The following C1QTNF3 variants were observed in gnomAD, a reference collection of about 807,000 sequenced individuals.
C1QTNF3 encodes the protein complement C1q tumor necrosis factor-related protein 3.
C1QTNF3 carries 26 observed loss-of-function variants against 32.6 expected under a neutral mutation model. That is an observed-to-expected ratio of 0.80 (90% CI 0.58 to 1.11). The LOEUF (loss-of-function observed/expected upper bound fraction) is 1.11. Among genes scored for constraint, C1QTNF3 ranks in the 50% least tolerant of loss-of-function variants. The probability of loss-of-function intolerance (pLI) is 0.00; values close to 1 mark genes in which losing one functional copy is unlikely to be tolerated. For synonymous variants in C1QTNF3, 155 were observed against 146.0 expected, an observed-to-expected ratio of 1.06 and a Z score of -0.44; for missense variants, 362 against 398.2, an observed-to-expected ratio of 0.91 and a Z score of 0.77.
At chr5:34,158,947 T>C in the C1QTNF3 span, among the ~76,000 whole-genome samples, 1 of 151,962 alleles carries the variant, frequency 6.6e-6, no homozygotes, top group Non-Finnish European at 1.5e-5. Flanking sequence ...GAAATATACT[T>C]ACACACACAA....
the C1QTNF3 span, among the ~76,000 whole-genome samples, chr5:34,204,454 T>C: frequency 1.3e-5 from 2 of 152,190 alleles, no homozygotes; most frequent in African/African-American, 4.8e-5. Flanking sequence ...AACATGGATG[T>C]AACTGGTCAT....
the C1QTNF3 span, among the ~76,000 whole-genome samples, chr5:34,132,653 GACTATT>G: frequency 1.3e-4 from 20 of 151,910 alleles, no homozygotes; most frequent in African/African-American, 4.8e-4. Flanking sequence ...GTCATATCAG[GACTATT>G]ACTATTACTA....
At chr5:34,051,215 T>TC in the C1QTNF3 span, among the ~76,000 whole-genome samples, 1 of 152,208 alleles carries the variant, frequency 6.6e-6, no homozygotes, top group African/African-American at 2.4e-5. Context: ...AATAACCTGG[T>TC]CCTAGATGGC....
At chr5:34,159,833 T>TA in the C1QTNF3 span, among the ~76,000 whole-genome samples, 213 of 143,358 alleles carry the variant, frequency 1.5e-3, no homozygotes, top group Admixed American at 2.0e-3. Context: ...ATTAAAGCAT[T>TA]AAAAAAAAAA....
At chr5:34,027,286 T>C (rs1182143250) in intron 4 of C1QTNF3, among the ~76,000 whole-genome samples, 1 of 152,180 alleles carries the variant, frequency 6.6e-6, no homozygotes, top group East Asian at 1.9e-4. Flanking sequence ...TTTAAGTATA[T>C]TGGTACAACC....
intron 4 of C1QTNF3, among the ~76,000 whole-genome samples, chr5:34,026,311 A>G (rs1437351335): frequency 3.9e-5 from 6 of 152,100 alleles, no homozygotes; most frequent in Non-Finnish European, 5.9e-5. Flanking sequence ...CCTGATAGTG[A>G]GGGCCACGTG....
At chr5:34,136,778 A>G in the C1QTNF3 span, among the ~76,000 whole-genome samples, 1 of 152,244 alleles carries the variant, frequency 6.6e-6, no homozygotes, top group Non-Finnish European at 1.5e-5. Context: ...GACTGGATTA[A>G]GAAAATGTGG....
the C1QTNF3 span, among the ~76,000 whole-genome samples, chr5:34,173,389 C>T: frequency 6.9e-6 from 1 of 145,492 alleles, no homozygotes; most frequent in Non-Finnish European, 1.5e-5. Context: ...ATTATCAGGC[C>T]TAACAAAAAC....
At chr5:34,084,738 G>A in the C1QTNF3 span, among the ~76,000 whole-genome samples, 1 of 145,950 alleles carries the variant, frequency 6.9e-6, no homozygotes, top group Non-Finnish European at 1.5e-5. Flanking sequence ...TTTGTCAGAT[G>A]GATAGATTGC....
the C1QTNF3 span, among the ~76,000 whole-genome samples, chr5:34,056,454 G>GTGTATATATATATA: frequency 8.2e-5 from 4 of 48,954 alleles, no homozygotes; most frequent in East Asian, 9.8e-4. Flanking sequence ...GTGTGTGTGT[G>GTGTATATATATATA]TATATATATA....
chr5:34,061,701 G>GA, the C1QTNF3 span, among the ~76,000 whole-genome samples: 1 of 152,172 alleles, frequency 6.6e-6, no homozygotes, highest in Non-Finnish European at 1.5e-5. Context: ...TGGAGCAGCT[G>GA]AGACACAGAG....
At chr5:34,087,952 T>A in the C1QTNF3 span, among the ~76,000 whole-genome samples, 2 of 152,206 alleles carry the variant, frequency 1.3e-5, no homozygotes, top group African/African-American at 4.8e-5. Context: ...CCAATTAAAT[T>A]ATCCGCATAT....
the C1QTNF3 span, among the ~76,000 whole-genome samples, chr5:34,053,335 A>G: frequency 6.6e-6 from 1 of 152,218 alleles, no homozygotes; most frequent in Admixed American, 6.5e-5. Flanking sequence ...CATCCCAAAT[A>G]CATTTCTTTA....
At chr5:34,095,245 G>A in the C1QTNF3 span, among the ~76,000 whole-genome samples, 2 of 151,676 alleles carry the variant, frequency 1.3e-5, no homozygotes, top group African/African-American at 2.4e-5. Context: ...TCCTCTTCTC[G>A]AAAATTCCTA....
chr5:34,195,756 C>T, the C1QTNF3 span, among the ~76,000 whole-genome samples: 3 of 152,064 alleles, frequency 2.0e-5, no homozygotes, highest in Admixed American at 2.0e-4. Context: ...AGGAGAATGG[C>T]GTGAACCCAG....
chr5:34,096,901 G>C, the C1QTNF3 span, among the ~76,000 whole-genome samples: 3 of 149,994 alleles, frequency 2.0e-5, no homozygotes, highest in Non-Finnish European at 4.5e-5. Flanking sequence ...AAAACAAAAA[G>C]GGATGATGAA....
chr5:34,030,254 T>G (rs958058667), intron 3 of C1QTNF3, among the ~76,000 whole-genome samples: 1 of 152,238 alleles, frequency 6.6e-6, no homozygotes, highest in Non-Finnish European at 1.5e-5. Context: ...AAATACTTTA[T>G]GTGTAATCTT....
At chr5:34,025,709 C>T (rs1383705843) in intron 4 of C1QTNF3, among the ~76,000 whole-genome samples, 1 of 152,120 alleles carries the variant, frequency 6.6e-6, no homozygotes, top group Non-Finnish European at 1.5e-5. Flanking sequence ...AACGTCTGGC[C>T]CAAGAGAGCT....
At chr5:34,184,715 C>CAAAAAAAA in the C1QTNF3 span, among the ~76,000 whole-genome samples, 6 of 129,536 alleles carry the variant, frequency 4.6e-5, no homozygotes, top group African/African-American at 1.4e-4. Flanking sequence ...GACTCTGTCT[C>CAAAAAAAA]AAAAAAAAAA....
Sources: gnomAD v4.1 joint callset for allele counts (sites outside exome capture counted in the v4.1 genomes callset) on GRCh38, gnomAD v4.1.1 for gene constraint, MANE v1.5 for transcripts, NCBI Gene and HGNC (gene_info 2026-07-23, HGNC 2026-07-21) for gene names.